Variants in URI1 observed in about 807,000 individuals in gnomAD.
URI1 encodes the protein unconventional prefoldin RPB5 interactor 1.
A neutral mutation model predicts 60.2 loss-of-function variants in URI1; 39 were observed. The ratio of observed to expected loss-of-function variants is 0.65; its 90% CI spans 0.50 to 0.85. The LOEUF (loss-of-function observed/expected upper bound fraction) is 0.85, where lower values mean the gene tolerates loss of function less well. Among genes scored for constraint, URI1 ranks in the 40% least tolerant of loss-of-function variants. The pLI, the probability that URI1 is intolerant of heterozygous loss-of-function variation, is 0.00. For synonymous variants in URI1, 251 were observed against 236.8 expected (o/e 1.06, Z -0.55); for missense variants, 691 against 665.9 (o/e 1.04, Z -0.42).
Position 30,005,375 on chromosome 19 carries a change from A to C in URI1, c.382A>C (p.Ile128Leu). 2 of 1,592,870 alleles carry C rather than the reference A, an allele frequency of 1.3e-6. No individual in the cohort carries two copies. Reference protein sequence around the residue: ...EHRKEHVRKTIDDLKKVMKNF... With the variant: ...EHRKEHVRKTLDDLKKVMKNF... ...CATTGTTTCAGATGTAAGAAAAACA[A>C]TAGATGACTTAAAAAAAGTGATGAA... The change falls in exon 5 of 11, where the codon ATA becomes CTA. Residue 128 changes from isoleucine to leucine, a missense_variant. By Grantham distance (5) the Ile-to-Leu change is conservative. Transcript: ENST00000392271.
At chr19:29,988,183 A>AG (rs2055696973) in intron 4 of URI1, among the ~76,000 whole-genome samples, 1 of 151,128 alleles carries the variant, frequency 6.6e-6, no homozygotes, top group African/African-American at 2.4e-5. Context: ...AAAAAAAAAA[A>AG]TTACGTAAAG....
intron 4 of URI1, among the ~76,000 whole-genome samples, chr19:29,989,669 C>T (rs1238458921): frequency 1.3e-5 from 2 of 152,100 alleles, no homozygotes; most frequent in Non-Finnish European, 2.9e-5. Context: ...GATCTGTCCG[C>T]CTTGTGGTCC....
rs3049083 is a variant in URI1, at chr19:29,935,762, C to CCTTTTCTTTT, written c.63+12026_63+12035dup. Among the ~76,000 whole-genome samples the CCTTTTCTTTT allele has an allele frequency of 2.5e-3, 351 of 141,234 alleles. 2 individuals are homozygous for CCTTTTCTTTT. The highest frequency in any genetic ancestry group is 9.0e-3 in the African/African-American group (339 of 37,484). 92.7% of individuals were successfully genotyped at this position (141,234 alleles called of 152,430 possible). On this transcript the variant is annotated intron_variant, in intron 1 of 10. Transcript: ENST00000360605. ...TTCCACTGCCTCTGGGCCTCTGGTT[C>CCTTTTCTTTT]CTTTTCTTTTCTTTTCTTTTCTTTT...
At chr19:29,986,258 T>C (rs768621188) in intron 3 of URI1, 24 bp from the exon 4 acceptor site, 6 of 1,535,528 alleles carry the variant, frequency 3.9e-6, no homozygotes, top group Non-Finnish European at 5.2e-6. Flanking sequence ...TTTTTTCCCT[T>C]TTTTCTTTTT....
intron 4 of URI1, among the ~76,000 whole-genome samples, chr19:29,988,614 T>G (rs923228279): frequency 6.6e-6 from 1 of 152,236 alleles, no homozygotes; most frequent in African/African-American, 2.4e-5. Context: ...AGTTCATTTC[T>G]TTTATTGCTG....
chr19:29,955,716 A>G (rs1026714495), intron 1 of URI1, among the ~76,000 whole-genome samples: 3 of 144,766 alleles, frequency 2.1e-5, no homozygotes, highest in African/African-American at 7.7e-5. Flanking sequence ...CAGCCTCCCA[A>G]GTAGCTGGGA....
chr19:29,975,736 G>A (rs956002206), intron 2 of URI1, among the ~76,000 whole-genome samples: 1 of 152,092 alleles, frequency 6.6e-6, no homozygotes, highest in African/African-American at 2.4e-5. Context: ...GAACTCCTGA[G>A]CTCAGGCAAT....
rs958975162 is a variant in URI1, at chr19:30,002,248, A to G, written c.368-3113A>G. On this transcript the variant is annotated intron_variant, in intron 4 of 10. Coordinates refer to ENST00000392271, the MANE Select transcript of URI1 (RefSeq NM_003796.3). ...TTTCTGTTCCTTTCAAATATATACAATTCTACAAACTGTTAACTAAATGTT... is the reference window on the plus strand; with the variant it reads ...TTTCTGTTCCTTTCAAATATATACAGTTCTACAAACTGTTAACTAAATGTT... 1.2e-4 allele frequency among the ~76,000 whole-genome samples: 19 copies of G among 152,050 alleles called. 1 individual carries two copies. The highest frequency in any genetic ancestry group is 3.9e-4 in the African/African-American group (16 of 41,432).
chr19:29,967,100 G>T (rs2055400320), intron 1 of URI1, among the ~76,000 whole-genome samples: 1 of 152,206 alleles, frequency 6.6e-6, no homozygotes, highest in South Asian at 2.1e-4. Context: ...AAGTACTGGA[G>T]ATCTTACTGC....
intron 1 of URI1, among the ~76,000 whole-genome samples, chr19:29,951,556 T>C (rs2055180265): frequency 1.3e-5 from 2 of 151,820 alleles, no homozygotes; most frequent in Admixed American, 1.3e-4. Context: ...TGCATTCTTT[T>C]TTTTTTTTTT....
In URI1 at chr19:30,015,238, G is replaced by A. The variant is rs2056071717; in HGVS notation, c.*169G>A. On this transcript the variant is annotated 3_prime_UTR_variant, in exon 11 of 11. Transcript: ENST00000392271. ...GTATTTGAAAAAAATCAAGGTAACT[G>A]TCTGAATACTTTAATATCAGCTTGT... 36 of 1,418,576 alleles carry A rather than the reference G, an allele frequency of 2.5e-5. No individual in the cohort carries two copies. Among genetic ancestry groups the A allele is most frequent in the Non-Finnish European group, 3.1e-5 (34 of 1,090,750 alleles). The allele number at this position is 1,418,576 out of a possible 1,614,324, so 87.9% of individuals were successfully genotyped here. A position where few individuals can be genotyped will look rare whatever the true frequency, so the allele number is the denominator to read the frequency against.
chr19:29,931,445 G>A (rs909821081), intron 1 of URI1, among the ~76,000 whole-genome samples: 2 of 152,038 alleles, frequency 1.3e-5, no homozygotes, highest in African/African-American at 2.4e-5. Flanking sequence ...AAAGCTCTCT[G>A]GTATCTCTGC....
chr19:29,996,139 C>CA (rs948177022), intron 4 of URI1, among the ~76,000 whole-genome samples: 20 of 148,058 alleles, frequency 1.4e-4, no homozygotes, highest in South Asian at 2.1e-4. Flanking sequence ...TCTGTTTTTG[C>CA]AAAAAAAAAA....
intron 1 of URI1, chr19:29,956,347 A>G: frequency 2.8e-6 from 3 of 1,073,958 alleles, no homozygotes; most frequent in Non-Finnish European, 2.7e-6. Flanking sequence ...CATCATTGAA[A>G]TATCACAAGT....
upstream of URI1, among the ~76,000 whole-genome samples, chr19:29,938,745 C>T (rs1034584732): frequency 2.6e-5 from 4 of 151,900 alleles, no homozygotes; most frequent in African/African-American, 4.8e-5. Context: ...GGCACCATCT[C>T]GGCTCACTGC....
At position 30,015,253 on chromosome 19, in the gene URI1, T is replaced by TA; in HGVS notation, c.*185dup. 1 of 1,414,676 alleles carries TA rather than the reference T, an allele frequency of 7.1e-7. No individual in the cohort carries two copies. The highest frequency in any genetic ancestry group is 3.0e-5 in the Admixed American group (1 of 33,690). The allele number at this position is 1,414,676 out of a possible 1,614,324, so 87.6% of individuals were successfully genotyped here. On this transcript the variant is annotated 3_prime_UTR_variant, in exon 11 of 11. Coordinates refer to ENST00000392271, the MANE Select transcript of URI1 (RefSeq NM_003796.3). ...CAAGGTAACTGTCTGAATACTTTAA[T>TA]ATCAGCTTGTTTTGTGAATTCTCTG...
At chr19:29,959,581 T>C (rs770861287) in intron 1 of URI1, among the ~76,000 whole-genome samples, 4 of 152,242 alleles carry the variant, frequency 2.6e-5, no homozygotes, top group Non-Finnish European at 5.9e-5. Flanking sequence ...TTTCTAGTTA[T>C]ATCATTTTAG....
intron 1 of URI1, among the ~76,000 whole-genome samples, chr19:29,966,644 CT>C (rs1009818417): frequency 3.3e-5 from 5 of 152,196 alleles, no homozygotes; most frequent in Non-Finnish European, 7.4e-5. Flanking sequence ...ACAAATCTAT[CT>C]TTTAAGAAAT....
chr19:30,000,425 A>G (rs190061165), intron 4 of URI1, among the ~76,000 whole-genome samples: 88 of 151,942 alleles, frequency 5.8e-4, no homozygotes, highest in Non-Finnish European at 1.5e-5. Flanking sequence ...TTGTTGGAAT[A>G]TTGCTTTAAG....
Sources: allele counts gnomAD v4.1 joint callset (sites outside exome capture counted in the v4.1 genomes callset), GRCh38; gene constraint gnomAD v4.1.1; transcripts MANE v1.5; gene names NCBI Gene and HGNC (gene_info 2026-07-23, HGNC 2026-07-21).